Variants in KCNN2 observed in about 807,000 individuals in gnomAD.
KCNN2 encodes the protein small conductance calcium-activated potassium channel protein 2.
Under a neutral mutation model 55.5 loss-of-function variants are expected in KCNN2, and 24 were observed. The observed-to-expected ratio is 0.43, with a 90% CI of 0.31 to 0.61. The LOEUF (loss-of-function observed/expected upper bound fraction) is 0.61, where lower values mean the gene tolerates loss of function less well. KCNN2 is among the 20% of genes least tolerant of loss of function. KCNN2 has a pLI of 0.08. For missense variants in KCNN2, 754 were observed against 853.6 expected (o/e 0.88, Z 1.45); for synonymous variants, 431 against 336.1 (o/e 1.28, Z -3.09).
chr5:114,066,120 C>G (rs1750444261), intron 1 of KCNN2, among the ~76,000 whole-genome samples: 1 of 152,074 alleles, frequency 6.6e-6, no homozygotes, highest in South Asian at 2.1e-4. Flanking sequence ...ATTGGTTTCT[C>G]AGCAATCAAC....
Position 114,363,257 on chromosome 5 carries a change from A to G in KCNN2, c.1118A>G (p.Asp373Gly), listed in dbSNP as rs762276583. Reference protein sequence around the residue: ...IETELSWGAYDKASLYSLALK... With the variant: ...IETELSWGAYGKASLYSLALK... ...ACCGAGCTGTCGTGGGGCGCCTACGACAAGGTACAGGCTTGAACCCCAGCC... is the reference window on the plus strand; with the variant it reads ...ACCGAGCTGTCGTGGGGCGCCTACGGCAAGGTACAGGCTTGAACCCCAGCC... Residue 373 changes from aspartate (D) to glycine (G), a missense_variant, in exon 1 of 8, where the codon GAC (aspartate) becomes GGC (glycine). Asp to Gly is a moderately conservative substitution (Grantham distance 94, BLOSUM62 -1). Coordinates refer to ENST00000673685, the MANE Select transcript of KCNN2 (RefSeq NM_021614.4). 8.1e-6 allele frequency: 13 copies of G among 1,607,412 alleles called. No individual in the cohort carries two copies. The highest frequency in any genetic ancestry group is 1.7e-4 in the Middle Eastern group (1 of 6,034).
chr5:114,066,513 T>A (rs1487123864), intron 1 of KCNN2, among the ~76,000 whole-genome samples: 1 of 152,232 alleles, frequency 6.6e-6, no homozygotes, highest in Non-Finnish European at 1.5e-5. Context: ...TAACAACGGA[T>A]ACACACTACT....
intron 3 of KCNN2, among the ~76,000 whole-genome samples, chr5:114,406,100 GAA>G (rs554840041): frequency 8.7e-5 from 10 of 114,482 alleles, no homozygotes; most frequent in Admixed American, 1.8e-4. Context: ...AGAGTTGCTG[GAA>G]AAAAAAAAAA....
At chr5:114,398,112 G>A (rs1758674508) in intron 2 of KCNN2, among the ~76,000 whole-genome samples, 1 of 152,144 alleles carries the variant, frequency 6.6e-6, no homozygotes, top group South Asian at 2.1e-4. Flanking sequence ...TAGGTCGTAT[G>A]TCCAGAATGA....
chr5:114,274,958 T>C (rs928013517), intron 2 of KCNN2, among the ~76,000 whole-genome samples: 3 of 152,184 alleles, frequency 2.0e-5, no homozygotes, highest in Non-Finnish European at 4.4e-5. Flanking sequence ...TTCAGTGATA[T>C]TGGCTGTTGG....
chr5:114,202,585 AT>A (rs34199170), intron 1 of KCNN2, among the ~76,000 whole-genome samples: 3,295 of 91,954 alleles, frequency 0.036, 178 homozygotes, highest in African/African-American at 0.13. Context: ...ATATATATAT[AT>A]TTTTTTTTTT....
intron 1 of KCNN2, among the ~76,000 whole-genome samples, chr5:114,143,150 G>A (rs1241079620): frequency 6.6e-6 from 1 of 152,090 alleles, no homozygotes; most frequent in Non-Finnish European, 1.5e-5. Flanking sequence ...AGTGAGGGTG[G>A]GGGTAGATTA....
intron 1 of KCNN2, among the ~76,000 whole-genome samples, chr5:114,215,237 G>C (rs1753978010): frequency 6.6e-6 from 1 of 152,110 alleles, no homozygotes; most frequent in Non-Finnish European, 1.5e-5. Context: ...GTTGTCAGCT[G>C]TAACCAGGAT....
intron 2 of KCNN2, among the ~76,000 whole-genome samples, chr5:114,282,943 G>T (rs1317409924): frequency 6.6e-6 from 1 of 152,086 alleles, no homozygotes; most frequent in African/African-American, 2.4e-5. Flanking sequence ...GTTATAGTCT[G>T]TGCTACTCCT....
chr5:114,208,917 C>T (rs1442362224), intron 1 of KCNN2, among the ~76,000 whole-genome samples: 3 of 152,194 alleles, frequency 2.0e-5, no homozygotes, highest in East Asian at 1.9e-4. Context: ...CACAGTCTCT[C>T]CCAGTCATTA....
At chr5:114,222,248 C>T (rs1452477409) in intron 2 of KCNN2, among the ~76,000 whole-genome samples, 1 of 152,122 alleles carries the variant, frequency 6.6e-6, no homozygotes, top group Non-Finnish European at 1.5e-5. Context: ...AGAACGTAAG[C>T]AGGGTCCTCT....
At chr5:114,354,188 C>T (rs575451615) in intron 2 of KCNN2, among the ~76,000 whole-genome samples, 2 of 151,882 alleles carry the variant, frequency 1.3e-5, no homozygotes, top group African/African-American at 4.8e-5. Flanking sequence ...TTTCTGCTGG[C>T]TCAAATTTAT....
At chr5:114,257,441 G>T (rs1755006703) in intron 2 of KCNN2, among the ~76,000 whole-genome samples, 1 of 151,626 alleles carries the variant, frequency 6.6e-6, no homozygotes, top group Admixed American at 6.6e-5. Context: ...ACATTGCTTT[G>T]GGCAGTATGG....
intron 5 of KCNN2, 156 bp downstream of exon 5, chr5:114,473,320 T>C (rs532125233): frequency 1.9e-5 from 12 of 629,868 alleles, no homozygotes; most frequent in African/African-American, 9.1e-5. Context: ...ATTTTGAGAA[T>C]AGACTATTTC....
chr5:114,455,034 T>A (rs1418752642), intron 3 of KCNN2, among the ~76,000 whole-genome samples: 1 of 152,238 alleles, frequency 6.6e-6, no homozygotes, highest in African/African-American at 2.4e-5. Context: ...TTTTTTAATA[T>A]TCAATTTTCT....
At chr5:114,486,987 C>G in intron 5 of KCNN2, 63 bp from the exon 6 acceptor site, 1 of 1,586,452 alleles carries the variant, frequency 6.3e-7, no homozygotes, top group African/African-American at 1.4e-5. Context: ...CTATGACCCC[C>G]AGCAAAGTTA....
intron 2 of KCNN2, among the ~76,000 whole-genome samples, chr5:114,341,905 T>C (rs1757022187): frequency 9.2e-6 from 1 of 108,352 alleles, no homozygotes; most frequent in Non-Finnish European, 1.9e-5. Context: ...TCATAATGTG[T>C]TTTTTTTTTT....
intron 2 of KCNN2, among the ~76,000 whole-genome samples, chr5:114,277,144 T>G (rs1001771188): frequency 6.6e-6 from 1 of 152,220 alleles, no homozygotes; most frequent in African/African-American, 2.4e-5. Context: ...TTCTTTTCTA[T>G]GAGATTGTTG....
chr5:114,277,252 C>G (rs1347819907), intron 2 of KCNN2, among the ~76,000 whole-genome samples: 1 of 152,166 alleles, frequency 6.6e-6, no homozygotes, highest in African/African-American at 2.4e-5. Context: ...CAGCCTTTCT[C>G]TCTGACTGCC....
Sources: gnomAD v4.1 joint callset for allele counts (sites outside exome capture counted in the v4.1 genomes callset) on GRCh38, gnomAD v4.1.1 for gene constraint, MANE v1.5 for transcripts, NCBI Gene and HGNC (gene_info 2026-07-23, HGNC 2026-07-21) for gene names.